PPCDC: variants seen among roughly 807,000 people sequenced by gnomAD.
The protein encoded by PPCDC is phosphopantothenoylcysteine decarboxylase.
PPCDC carries 20 observed loss-of-function variants against 20.7 expected under a neutral mutation model. The observed-to-expected ratio is 0.97, with a 90% confidence interval of 0.68 to 1.41. The LOEUF (loss-of-function observed/expected upper bound fraction) is 1.41. Ranked by LOEUF, PPCDC falls within the 40% of genes most tolerant of loss-of-function variation. The pLI, the probability that PPCDC is intolerant of heterozygous loss-of-function variation, is 0.00. For synonymous variants in PPCDC, 88 were observed against 100.3 expected (o/e 0.88, Z 0.73); for missense variants, 246 against 263.8 (o/e 0.93, Z 0.47).
Position 75,028,409 on chromosome 15 carries a change from C to G in PPCDC, c.91C>G (p.Leu31Val). 6.2e-7 allele frequency: 1 copy of G among 1,614,240 alleles called. No individual in the cohort carries two copies. Among genetic ancestry groups the G allele is most frequent in the Non-Finnish European group, 8.5e-7 (1 of 1,180,042 alleles). The change falls in exon 2 of 6, where the codon CTG (leucine) becomes GTG (valine). Residue 31 changes from leucine (L) to valine (V), a missense_variant. By Grantham distance (32) the Leu-to-Val change is conservative. Around this residue, in one of 2 missense-constraint regions of PPCDC, gnomAD observed 225 missense variants for 222.6 expected, o/e 1.01. Coordinates refer to ENST00000342932, the MANE Select transcript of PPCDC (RefSeq NM_021823.5). ...GGGTGTCACGGGGAGTGTCGCAGCC[C>G]TGAAGTTGCCTCTTCTGGTGTCAAA... ...LVGVTGSVAA[L>V]KLPLLVSKLL...
rs1351694303 is a variant in PPCDC, at chr15:75,024,607, G to A, written c.-73+981G>A. 3.3e-5 allele frequency among the ~76,000 whole-genome samples: 5 copies of A among 151,476 alleles called. No homozygotes were observed. In the East Asian group the frequency reaches 9.7e-4, roughly 29 times the overall value. Reference sequence around the variant, plus strand: ...TGGCTCAAGCTATCCTCCTTCCTTGGCCTCTCAAAATGCTGGGATTACAGG... The same window carrying A: ...TGGCTCAAGCTATCCTCCTTCCTTGACCTCTCAAAATGCTGGGATTACAGG... On this transcript the variant is annotated intron_variant, in intron 1 of 5. Transcript: ENST00000342932.
rs1411994768 is a variant in PPCDC, at chr15:75,049,412, C to CA, written c.*178dup. On this transcript the variant is annotated 3_prime_UTR_variant, in exon 6 of 6. Transcript: ENST00000342932. Reference sequence around the variant, plus strand: ...TAAACTGGACGGAAGGCCCAGGTCTCAGTTTCTTTCAACCAGGAGAGGCCG... The same window carrying CA: ...TAAACTGGACGGAAGGCCCAGGTCTCAAGTTTCTTTCAACCAGGAGAGGCCG... 2 of 627,762 alleles carry CA rather than the reference C, an allele frequency of 3.2e-6. No individual in the cohort carries two copies. The highest frequency in any genetic ancestry group is 5.5e-6 in the Non-Finnish European group (2 of 363,834). The allele number at this position is 627,762 out of a possible 1,614,324, so 38.9% of individuals were successfully genotyped here. A position where few individuals can be genotyped will look rare whatever the true frequency, so the allele number is the denominator to read the frequency against.
At chr15:75,025,684 G>A (rs896391323) in intron 1 of PPCDC, among the ~76,000 whole-genome samples, 1 of 152,178 alleles carries the variant, frequency 6.6e-6, no homozygotes, top group Non-Finnish European at 1.5e-5. Context: ...TGCTGCTCAG[G>A]AGTTCCTGTG....
Position 75,049,154 on chromosome 15 carries a change from C to T in PPCDC, c.534C>T (p.Leu178=), listed in dbSNP as rs778934539. 15 of 1,613,978 alleles carry T rather than the reference C, an allele frequency of 9.3e-6. No homozygotes were observed. Among genetic ancestry groups the T allele is most frequent in the Middle Eastern group, 1.7e-4 (1 of 6,050 alleles). ...ACAGCGGAATTTTGCTCCCAGGTCT[C>T]GGGGCCATGGCTGAAGTGGGGACCA... The part of the protein sequence containing the change: ...AKKLVCGDEG[L]GAMAEVGTIV... Residue 178 remains leucine, a synonymous_variant, in exon 6 of 6, where the codon CTC becomes CTT. Coordinates refer to ENST00000342932, the MANE Select transcript of PPCDC (RefSeq NM_021823.5).
chr15:75,036,972 C>T (rs2066092816), intron 2 of PPCDC, among the ~76,000 whole-genome samples: 1 of 152,054 alleles, frequency 6.6e-6, no homozygotes, highest in Non-Finnish European at 1.5e-5. Flanking sequence ...TGCCTGGCGC[C>T]CAATTTGGGG....
chr15:75,043,314 A>G, intron 2 of PPCDC, 127 bp from the exon 3 acceptor site: 2 of 702,038 alleles, frequency 2.8e-6, no homozygotes, highest in Non-Finnish European at 4.8e-6. Flanking sequence ...TAAGGAGGGA[A>G]GTCCTCTCTC....
At chr15:75,039,808 G>C (rs1469510884) in intron 2 of PPCDC, among the ~76,000 whole-genome samples, 1 of 149,642 alleles carries the variant, frequency 6.7e-6, no homozygotes, top group Non-Finnish European at 1.5e-5. Flanking sequence ...TTTTGAGATG[G>C]AGTTTCACTC....
chr15:75,049,237 C>T lies in PPCDC; in HGVS notation c.*2C>T. 1 of 1,613,492 alleles carries T rather than the reference C, an allele frequency of 6.2e-7. No homozygotes were observed. Among genetic ancestry groups the T allele is most frequent in the Non-Finnish European group, 8.5e-7 (1 of 1,179,388 alleles). ...CACAGTGGCTTCCAGCAGAGTTGAC[C>T]TGGGATTTCTGTCATGGGTGTCCCT... On this transcript the variant is annotated 3_prime_UTR_variant, in exon 6 of 6. Coordinates refer to ENST00000342932, the MANE Select transcript of PPCDC (RefSeq NM_021823.5).
chr15:75,041,102 C>G (rs910443459), intron 2 of PPCDC, among the ~76,000 whole-genome samples: 1 of 152,138 alleles, frequency 6.6e-6, no homozygotes, highest in African/African-American at 2.4e-5. Flanking sequence ...ACTTATTGTG[C>G]CCTCTTCTTT....
intron 2 of PPCDC, among the ~76,000 whole-genome samples, chr15:75,032,553 A>G (rs1278314181): frequency 6.6e-6 from 1 of 152,234 alleles, no homozygotes; most frequent in African/African-American, 2.4e-5. Flanking sequence ...AACTGGAAGC[A>G]AACAAAATAT....
At chr15:75,027,339 G>A (rs1049835165) in intron 1 of PPCDC, among the ~76,000 whole-genome samples, 1 of 152,072 alleles carries the variant, frequency 6.6e-6, no homozygotes, top group Non-Finnish European at 1.5e-5. Flanking sequence ...CCACGTGTAG[G>A]TTTTGGTGTC....
intron 2 of PPCDC, among the ~76,000 whole-genome samples, chr15:75,035,470 C>T (rs1272480720): frequency 1.3e-5 from 2 of 152,194 alleles, no homozygotes; most frequent in African/African-American, 4.8e-5. Flanking sequence ...TCTAAATCCT[C>T]ATTCCATTTC....
At chr15:75,027,497 A>G (rs7181452) in intron 1 of PPCDC, among the ~76,000 whole-genome samples, 3,360 of 152,024 alleles carry the variant, frequency 0.022, 125 homozygotes, top group African/African-American at 0.076. Flanking sequence ...GCCCATCTTG[A>G]TTAACAGGGA....
intron 2 of PPCDC, among the ~76,000 whole-genome samples, chr15:75,029,476 T>TC (rs1259097336): frequency 6.6e-6 from 1 of 152,134 alleles, no homozygotes; most frequent in East Asian, 1.9e-4. Context: ...CGGTGCTTAC[T>TC]CACAGATGAC....
At chr15:75,029,856 C>CTAGG (rs942021740) in intron 2 of PPCDC, among the ~76,000 whole-genome samples, 2 of 152,118 alleles carry the variant, frequency 1.3e-5, no homozygotes, top group Non-Finnish European at 2.9e-5. Context: ...AGTTTCCGGA[C>CTAGG]TAGGGGTGGA....
intron 2 of PPCDC, among the ~76,000 whole-genome samples, chr15:75,029,186 C>A (rs1042024123): frequency 6.6e-6 from 1 of 152,132 alleles, no homozygotes; most frequent in African/African-American, 2.4e-5. Context: ...CGTGGCTGGG[C>A]CCTGCTAGGC....
At chr15:75,029,638 G>C (rs1021585313) in intron 2 of PPCDC, among the ~76,000 whole-genome samples, 12 of 152,190 alleles carry the variant, frequency 7.9e-5, no homozygotes, top group South Asian at 2.1e-4. Flanking sequence ...AGGCCAGAGT[G>C]GGGGAGGGAG....
intron 2 of PPCDC, among the ~76,000 whole-genome samples, chr15:75,036,541 C>T (rs1388288052): frequency 6.6e-6 from 1 of 152,140 alleles, no homozygotes; most frequent in African/African-American, 2.4e-5. Context: ...AGACCTTGAC[C>T]CCAGGAGGCT....
intron 2 of PPCDC, among the ~76,000 whole-genome samples, chr15:75,042,421 C>A: frequency 6.6e-6 from 1 of 152,096 alleles, no homozygotes; most frequent in African/African-American, 2.4e-5. Context: ...GAGACTGGGG[C>A]GGGTGGATCA....
Sources: allele counts gnomAD v4.1 joint callset (sites outside exome capture counted in the v4.1 genomes callset), GRCh38; gene constraint gnomAD v4.1.1; regional missense constraint gnomAD v4.1.1; transcripts MANE v1.5; gene names NCBI Gene and HGNC (gene_info 2026-07-23, HGNC 2026-07-21).